Variants in PEDS1 observed in about 807,000 individuals in gnomAD.
PEDS1 encodes the protein CarF homolog.
In PEDS1, 14 loss-of-function variants were observed where a neutral mutation model predicts 35.2. The ratio of observed to expected loss-of-function variants is 0.40; its 90% CI spans 0.26 to 0.62. The LOEUF (loss-of-function observed/expected upper bound fraction) is 0.62, where lower values mean the gene tolerates loss of function less well. Among genes scored for constraint, PEDS1 ranks in the 20% least tolerant of loss-of-function variants. The pLI is 0.44. For missense variants in PEDS1, 260 were observed against 367.8 expected (o/e 0.71, Z 2.40); for synonymous variants, 152 against 152.0 (o/e 1.00, Z 0.00).
At chr20:50,136,071 T>C (rs1465592422) in intron 2 of PEDS1, among the ~76,000 whole-genome samples, 2 of 152,156 alleles carry the variant, frequency 1.3e-5, no homozygotes, top group African/African-American at 2.4e-5. Context: ...CTCATTTACT[T>C]TGGGTTAAGA....
chr20:50,145,173 G>A (rs2081333329), intron 1 of PEDS1, among the ~76,000 whole-genome samples: 1 of 152,078 alleles, frequency 6.6e-6, no homozygotes, highest in Admixed American at 6.5e-5. Context: ...CTGCACTCCA[G>A]CCTGGGCGGC....
At chr20:50,151,456 G>T in intron 1 of PEDS1, 1 of 483,476 alleles carries the variant, frequency 2.1e-6, no homozygotes, top group Non-Finnish European at 4.1e-6. Context: ...AGGCAGAGCT[G>T]GACACTAAAG....
At chr20:50,148,603 G>C (rs1001643523) in intron 1 of PEDS1, among the ~76,000 whole-genome samples, 4 of 152,184 alleles carry the variant, frequency 2.6e-5, no homozygotes, top group African/African-American at 9.6e-5. Flanking sequence ...CTTTCCAGGG[G>C]ACAGGCTGCA....
At chr20:50,135,683 G>A (rs1430375656) in intron 2 of PEDS1, among the ~76,000 whole-genome samples, 141 of 77,052 alleles carry the variant, frequency 1.8e-3, no homozygotes, top group African/African-American at 2.2e-3. Flanking sequence ...AAAAAAAAAA[G>A]CATTTCCAGC....
intron 2 of PEDS1, among the ~76,000 whole-genome samples, chr20:50,132,435 A>G (rs1980925): frequency 0.28 from 42,837 of 151,816 alleles, 6,530 homozygotes; most frequent in African/African-American, 0.4. Context: ...TTTCCCTTGC[A>G]TGCCTCTGGG....
At chr20:50,125,401 T>C (rs1359873575) in intron 5 of PEDS1, among the ~76,000 whole-genome samples, 1 of 152,166 alleles carries the variant, frequency 6.6e-6, no homozygotes, top group Non-Finnish European at 1.5e-5. Flanking sequence ...TCTTACTATA[T>C]ACCAGGCACT....
At chr20:50,145,857 G>A (rs796176250) in intron 1 of PEDS1, among the ~76,000 whole-genome samples, 2 of 152,258 alleles carry the variant, frequency 1.3e-5, no homozygotes, top group South Asian at 2.1e-4. Flanking sequence ...CATATCAGGC[G>A]CCTGCTGAAG....
At chr20:50,130,241 T>C (rs759984279) in intron 3 of PEDS1, among the ~76,000 whole-genome samples, 1 of 152,172 alleles carries the variant, frequency 6.6e-6, no homozygotes, top group Non-Finnish European at 1.5e-5. Flanking sequence ...GGACTTCAGT[T>C]GGCGGAAACT....
intron 1 of PEDS1, among the ~76,000 whole-genome samples, chr20:50,146,281 A>G (rs2081344389): frequency 6.6e-6 from 1 of 152,148 alleles, no homozygotes; most frequent in Non-Finnish European, 1.5e-5. Context: ...GAAGCCATCC[A>G]TGATGCCTCC....
At chr20:50,148,832 T>G (rs2081372139) in intron 1 of PEDS1, among the ~76,000 whole-genome samples, 1 of 152,012 alleles carries the variant, frequency 6.6e-6, no homozygotes, top group Admixed American at 6.6e-5. Context: ...AGAAACAGGC[T>G]GAGTGCCGCG....
intron 2 of PEDS1, among the ~76,000 whole-genome samples, chr20:50,132,118 G>T (rs6020284): frequency 0.59 from 89,473 of 151,964 alleles, 27,618 homozygotes; most frequent in African/African-American, 0.79. Flanking sequence ...GCAGGAGAAT[G>T]GCTTGAGCCC....
intron 2 of PEDS1, among the ~76,000 whole-genome samples, chr20:50,136,211 C>T (rs563736700): frequency 4.6e-5 from 7 of 152,124 alleles, no homozygotes; most frequent in Non-Finnish European, 7.3e-5. Context: ...TCGCTTAGGC[C>T]GAATCTTATC....
intron 5 of PEDS1, among the ~76,000 whole-genome samples, chr20:50,126,908 C>G (rs1016417714): frequency 6.6e-6 from 1 of 152,172 alleles, no homozygotes; most frequent in Non-Finnish European, 1.5e-5. Context: ...CTTCAGGGCC[C>G]TCCCACACTT....
intron 2 of PEDS1, 108 bp from the exon 3 acceptor site, chr20:50,131,055 T>C (rs1329982561): frequency 3.8e-6 from 6 of 1,581,896 alleles, no homozygotes; most frequent in Non-Finnish European, 5.2e-6. Context: ...GGGGAAGGTG[T>C]CCCTTCTTCT....
Position 50,124,646 on chromosome 20 carries a change from C to A in PEDS1, c.*412G>T. 5.4e-6 allele frequency: 1 copy of A among 183,620 alleles called. No homozygotes were observed. Among genetic ancestry groups the A allele is most frequent in the African/African-American group, 2.3e-5 (1 of 42,826 alleles). 11.4% of individuals were successfully genotyped at this position (183,620 alleles called of 1,614,324 possible). A position where few individuals can be genotyped will look rare whatever the true frequency, so the allele number is the denominator to read the frequency against. On this transcript the variant is annotated 3_prime_UTR_variant, in exon 6 of 6. Transcript: ENST00000371652. Reference sequence around the variant, plus strand: ...GCTGTGGCAGAACAATGCTCCACGACGCTTAGGTGTGCCTGGGGGCTCCCC... The same window carrying A: ...GCTGTGGCAGAACAATGCTCCACGAAGCTTAGGTGTGCCTGGGGGCTCCCC...
At chr20:50,143,350 TGCTGACTGCAATAGG>T in intron 2 of PEDS1, 137 bp downstream of exon 2, 1 of 1,291,538 alleles carries the variant, frequency 7.7e-7, no homozygotes, top group Non-Finnish European at 1.1e-6. Context: ...AGGGAGGTGC[TGCTGACTGCAATAGG>T]GAGGTGGGGT....
intron 2 of PEDS1, among the ~76,000 whole-genome samples, chr20:50,132,323 GCTT>G (rs2081188620): frequency 6.6e-6 from 1 of 152,202 alleles, no homozygotes; most frequent in Non-Finnish European, 1.5e-5. Context: ...TAAGTTGGTA[GCTT>G]TTTTATTCCC....
intron 2 of PEDS1, among the ~76,000 whole-genome samples, chr20:50,135,133 A>G (rs1372283997): frequency 3.9e-5 from 6 of 152,052 alleles, no homozygotes; most frequent in Non-Finnish European, 7.4e-5. Flanking sequence ...TACAGTGAGC[A>G]GAGCTCGTGC....
intron 5 of PEDS1, among the ~76,000 whole-genome samples, chr20:50,125,640 C>G (rs1035707409): frequency 1.3e-5 from 2 of 152,036 alleles, no homozygotes; most frequent in African/African-American, 4.8e-5. Flanking sequence ...TGTGGCCAGG[C>G]TGGAGTGCAG....
Sources: gnomAD v4.1 joint callset for allele counts (sites outside exome capture counted in the v4.1 genomes callset) on GRCh38, gnomAD v4.1.1 for gene constraint, MANE v1.5 for transcripts, NCBI Gene and HGNC (gene_info 2026-07-23, HGNC 2026-07-21) for gene names.